FAM120B: variants seen among roughly 807,000 people sequenced by gnomAD.
FAM120B encodes the protein family with sequence similarity 120 member B, also known as constitutive coactivator of peroxisome proliferator-activated receptor gamma.
In FAM120B, 83 loss-of-function variants were observed where a neutral mutation model predicts 96.3. The observed-to-expected ratio is 0.86, with a 90% CI of 0.72 to 1.03. FAM120B has a LOEUF of 1.03. Among genes scored for constraint, FAM120B ranks in the 50% least tolerant of loss-of-function variants. The probability of loss-of-function intolerance (pLI) is 0.00; values close to 1 mark genes in which losing one functional copy is unlikely to be tolerated. For synonymous variants in FAM120B, 407 were observed against 402.7 expected (o/e 1.01, Z -0.13); for missense variants, 1,027 against 1,121.2 (o/e 0.92, Z 1.20).
intron 6 of FAM120B, among the ~76,000 whole-genome samples, chr6:170,377,041 A>C (rs1159731657): frequency 2.1e-5 from 3 of 143,940 alleles, no homozygotes; most frequent in Non-Finnish European, 4.6e-5. Flanking sequence ...TGCTGTGCAC[A>C]CGCGTCCCTA....
chr6:170,291,169 C>G (rs923619792), upstream of FAM120B: 4 of 651,022 alleles, frequency 6.1e-6, no homozygotes, highest in Admixed American at 2.1e-5. Context: ...CCCCCTTCCT[C>G]CCTCACCACA....
rs549040736 is a variant in FAM120B at position 170,370,969 on chromosome 6, G to C, written c.2283+12651G>C. Among the ~76,000 whole-genome samples the C allele has an allele frequency of 1.3e-5, 2 of 152,164 alleles. 1 individual carries two copies. Among genetic ancestry groups the C allele is most frequent in the South Asian group, 4.2e-4 (2 of 4,810 alleles). On this transcript the variant is annotated intron_variant, in intron 6 of 10. Transcript: ENST00000476287. This position sits in a 1 kb window ranked among gnomAD's most constrained non-coding sequence, Gnocchi z 4.3. ...GTGTATATATATCTCAATACGGATGGATGGATAGACAGACATTATTTAGAC... is the reference window on the plus strand; with the variant it reads ...GTGTATATATATCTCAATACGGATGCATGGATAGACAGACATTATTTAGAC...
intron 6 of FAM120B, among the ~76,000 whole-genome samples, chr6:170,383,761 A>G (rs1028108401): frequency 1.3e-5 from 2 of 151,170 alleles, no homozygotes; most frequent in Non-Finnish European, 2.9e-5. Context: ...TGCACTTACC[A>G]TCTGAACTAG....
Position 170,370,703 on chromosome 6 carries a change from T to C in FAM120B, c.2283+12385T>C, listed in dbSNP as rs555625393. ...TCAGATATTACCTCACCGCATTTCT[T>C]ATAAAGATTCGCCTTCTAACACCTT... On this transcript the variant is annotated intron_variant, in intron 6 of 10. Coordinates refer to ENST00000476287, the MANE Select transcript of FAM120B (RefSeq NM_032448.3). The surrounding 1 kb of genome is among the most constrained non-coding windows in gnomAD (Gnocchi z 4.3). 2.6e-5 allele frequency among the ~76,000 whole-genome samples: 4 copies of C among 152,348 alleles called. No homozygotes were observed. In the South Asian group the frequency reaches 8.3e-4, roughly 32 times the overall value.
At chr6:170,340,132 A>G (rs1052341074) in intron 4 of FAM120B, among the ~76,000 whole-genome samples, 1 of 152,090 alleles carries the variant, frequency 6.6e-6, no homozygotes, top group African/African-American at 2.4e-5. Flanking sequence ...ACACCAGTCC[A>G]TCGTAGGTTT....
chr6:170,378,486 C>T (rs1471320620), intron 6 of FAM120B, among the ~76,000 whole-genome samples: 1 of 152,184 alleles, frequency 6.6e-6, no homozygotes, highest in Non-Finnish European at 1.5e-5. Flanking sequence ...TCAGTTCATT[C>T]CGTTTGTTGA....
intron 7 of FAM120B, among the ~76,000 whole-genome samples, chr6:170,389,492 A>T (rs775611734): frequency 2.6e-5 from 4 of 151,842 alleles, no homozygotes; most frequent in Non-Finnish European, 5.9e-5. Context: ...CACATTTTTA[A>T]TTTTTGAAGT....
intron 1 of FAM120B, among the ~76,000 whole-genome samples, chr6:170,296,236 A>G (rs116471010): frequency 0.019 from 2,836 of 152,056 alleles, 97 homozygotes; most frequent in African/African-American, 0.065. Flanking sequence ...TTGGGGGGTT[A>G]GAAGGAGGCC....
At chr6:170,293,136 T>C (rs1188930637), upstream of FAM120B, among the ~76,000 whole-genome samples, 1 of 152,112 alleles carries the variant, frequency 6.6e-6, no homozygotes, top group Non-Finnish European at 1.5e-5. Context: ...TTCGGAGCAT[T>C]CTGCTTCCCT....
In FAM120B at chr6:170,354,883, C is replaced by G. The variant is rs563360042; in HGVS notation, c.2191-3343C>G. ...GGTGGAGCTTGCAGTGAGCCGAGAT[C>G]GTGCCACTGCACTCCAGCCTGGGCA... On this transcript the variant is annotated intron_variant, in intron 5 of 10. Transcript: ENST00000476287. Among the ~76,000 whole-genome samples, 11 of 152,164 alleles carry G rather than the reference C, an allele frequency of 7.2e-5. No individual in the cohort carries two copies. In the East Asian group the frequency reaches 1.9e-3, roughly 27 times the overall value.
intron 6 of FAM120B, among the ~76,000 whole-genome samples, chr6:170,386,312 A>T (rs1790183154): frequency 1.3e-5 from 2 of 152,206 alleles, no homozygotes; most frequent in Non-Finnish European, 2.9e-5. Context: ...ATTTGAAAAG[A>T]TGAATAAAAC....
chr6:170,313,169 G>A (rs929657201), intron 1 of FAM120B, among the ~76,000 whole-genome samples: 4 of 152,184 alleles, frequency 2.6e-5, no homozygotes, highest in Non-Finnish European at 5.9e-5. Flanking sequence ...GGTTGTTTGT[G>A]CATTCATAAA....
At chr6:170,360,108 G>A (rs1391253528) in intron 6 of FAM120B, among the ~76,000 whole-genome samples, 2 of 152,096 alleles carry the variant, frequency 1.3e-5, no homozygotes, top group Non-Finnish European at 2.9e-5. Context: ...ATTACAGAAA[G>A]GAACCCTGGG....
chr6:170,371,595 C>A (rs967543917), intron 6 of FAM120B, among the ~76,000 whole-genome samples: 5 of 152,092 alleles, frequency 3.3e-5, no homozygotes, highest in Admixed American at 6.5e-5. Context: ...GGAATAAAAA[C>A]CTCCACCTTA....
rs530502802 is a variant in FAM120B at position 170,366,736 on chromosome 6, G to A, written c.2283+8418G>A. 2.0e-4 allele frequency among the ~76,000 whole-genome samples: 31 copies of A among 152,312 alleles called. No individual in the cohort carries two copies. The South Asian group carries it at 3.7e-3, about 18-fold the overall frequency. On this transcript the variant is annotated intron_variant, in intron 6 of 10. Coordinates refer to ENST00000476287, the MANE Select transcript of FAM120B (RefSeq NM_032448.3). ...ACAGCAGGCTGTTGAGAAGAACATT[G>A]TGACATTATCCAACAAATGAGTACT...
upstream of FAM120B, chr6:170,306,459 G>C (rs1784285570): frequency 6.6e-6 from 1 of 152,268 alleles, no homozygotes; most frequent in Non-Finnish European, 1.5e-5. Flanking sequence ...CACCGTCCGG[G>C]CCGCAGGACA....
chr6:170,354,119 A>G (rs1339726838), intron 5 of FAM120B, among the ~76,000 whole-genome samples: 1 of 152,228 alleles, frequency 6.6e-6, no homozygotes, highest in African/African-American at 2.4e-5. Context: ...ATAAGACCAC[A>G]CATCTACAAC....
At chr6:170,368,867 T>G (rs1788988224) in intron 6 of FAM120B, among the ~76,000 whole-genome samples, 1 of 151,928 alleles carries the variant, frequency 6.6e-6, no homozygotes, top group African/African-American at 2.4e-5. Context: ...TTTCTCACTA[T>G]GTCCTCATAG....
In FAM120B at chr6:170,373,841, A is replaced by G. The variant is rs565126036; in HGVS notation, c.2284-14446A>G. Reference sequence around the variant, plus strand: ...CTGTCTCCCAGACCTCCAGAAGCACAGGAAAAGAGCATAGGTGTTCTTGTT... The same window carrying G: ...CTGTCTCCCAGACCTCCAGAAGCACGGGAAAAGAGCATAGGTGTTCTTGTT... On this transcript the variant is annotated intron_variant, in intron 6 of 10. Transcript: ENST00000476287. Among the ~76,000 whole-genome samples, 8 of 152,372 alleles carry G rather than the reference A, an allele frequency of 5.3e-5. No homozygotes were observed. The East Asian group carries it at 1.5e-3, about 29-fold the overall frequency.
Sources: gnomAD v4.1 joint callset for allele counts (sites outside exome capture counted in the v4.1 genomes callset) on GRCh38, gnomAD v4.1.1 for gene constraint, Gnocchi (gnomAD v3.1) non-coding constraint, MANE v1.5 for transcripts, NCBI Gene and HGNC (gene_info 2026-07-23, HGNC 2026-07-21) for gene names.